The following CTNND2 variants were observed in gnomAD, a reference collection of about 807,000 sequenced individuals.
The protein encoded by CTNND2 is catenin delta 2.
Under a neutral mutation model 144.4 loss-of-function variants are expected in CTNND2, and 22 were observed. The observed-to-expected ratio is 0.15, with a 90% CI of 0.11 to 0.22. The LOEUF (loss-of-function observed/expected upper bound fraction) is 0.22, where lower values mean the gene tolerates loss of function less well. Among genes scored for constraint, CTNND2 ranks in the 10% least tolerant of loss-of-function variants. The pLI is 1.00. For synonymous variants in CTNND2, 751 were observed against 695.6 expected (o/e 1.08, Z -1.25); for missense variants, 1,353 against 1,618.8 (o/e 0.84, Z 2.82).
intron 15 of CTNND2, among the ~76,000 whole-genome samples, chr5:11,085,106 A>T (rs1386543855): frequency 6.6e-6 from 1 of 152,198 alleles, no homozygotes; most frequent in Non-Finnish European, 1.5e-5. Context: ...ATGCTGGATG[A>T]AAAGGTGATT....
intron 16 of CTNND2, among the ~76,000 whole-genome samples, chr5:11,064,771 C>G (rs1230790680): frequency 6.6e-6 from 1 of 152,192 alleles, no homozygotes; most frequent in African/African-American, 2.4e-5. Flanking sequence ...CATCAGAATG[C>G]TTAAAGGAAA....
At chr5:11,061,103 G>A (rs1009419812) in intron 16 of CTNND2, among the ~76,000 whole-genome samples, 1 of 152,014 alleles carries the variant, frequency 6.6e-6, no homozygotes, top group Non-Finnish European at 1.5e-5. Context: ...AATCAAAGTT[G>A]TGATCTACCA....
At chr5:11,672,391 T>C (rs957864086) in intron 2 of CTNND2, among the ~76,000 whole-genome samples, 3 of 152,206 alleles carry the variant, frequency 2.0e-5, no homozygotes, top group African/African-American at 7.2e-5. Flanking sequence ...TAGCCACCCC[T>C]TCCCCCAGGT....
intron 2 of CTNND2, among the ~76,000 whole-genome samples, chr5:11,591,211 C>T (rs535813459): frequency 2.0e-5 from 3 of 152,096 alleles, no homozygotes; most frequent in Non-Finnish European, 4.4e-5. Flanking sequence ...TGAAGGTGTC[C>T]CTGGTATTAT....
Position 11,468,307 on chromosome 5 carries a change from G to A in CTNND2, c.288-56238C>T, listed in dbSNP as rs533016464. 7.6e-4 allele frequency among the ~76,000 whole-genome samples: 116 copies of A among 152,270 alleles called. 1 individual carries two copies. The highest frequency in any genetic ancestry group is 1.1e-3 in the Non-Finnish European group (75 of 68,012). ...CAGCCAATGGAGATGAAAGCAAGAG[G>A]ACAAAAGTGACTTTTAAAAATTTGT... On this transcript the variant is annotated intron_variant, in intron 3 of 21. Coordinates refer to ENST00000304623, the MANE Select transcript of CTNND2 (RefSeq NM_001332.4).
intron 3 of CTNND2, among the ~76,000 whole-genome samples, chr5:11,475,528 T>A (rs762816125): frequency 5.3e-5 from 8 of 152,198 alleles, no homozygotes; most frequent in African/African-American, 1.9e-4. Context: ...ATATAAAGGA[T>A]GAACTCTAAT....
chr5:11,316,495 A>G (rs1355813177), intron 9 of CTNND2, among the ~76,000 whole-genome samples: 2 of 145,746 alleles, frequency 1.4e-5, no homozygotes, highest in Non-Finnish European at 3.0e-5. Flanking sequence ...TATTATTATT[A>G]TTATTATTAT....
intron 14 of CTNND2, among the ~76,000 whole-genome samples, chr5:11,107,687 G>GT (rs1156664035): frequency 1.3e-5 from 2 of 152,210 alleles, no homozygotes; most frequent in African/African-American, 4.8e-5. Flanking sequence ...TGGTGCATTT[G>GT]TTTTGGTGGT....
At chr5:11,500,187 T>C (rs895676131) in intron 3 of CTNND2, among the ~76,000 whole-genome samples, 1 of 152,166 alleles carries the variant, frequency 6.6e-6, no homozygotes, top group Non-Finnish European at 1.5e-5. Flanking sequence ...CTGCATATTA[T>C]CCTATTCTGA....
intron 3 of CTNND2, among the ~76,000 whole-genome samples, chr5:11,560,021 G>A (rs934764232): frequency 1.3e-5 from 2 of 152,078 alleles, no homozygotes; most frequent in African/African-American, 2.4e-5. Context: ...ACTCCTCCAC[G>A]TCCTTGCAAG....
intron 3 of CTNND2, among the ~76,000 whole-genome samples, chr5:11,538,375 C>T (rs1774417165): frequency 1.3e-5 from 2 of 152,172 alleles, no homozygotes; most frequent in African/African-American, 4.8e-5. Flanking sequence ...TAAAAGGAAG[C>T]ATGGCTGTAA....
At position 11,748,844 on chromosome 5, in the gene CTNND2, C is replaced by A. The variant is rs550541125; in HGVS notation, c.38-16572G>T. ...TCTTCACGAAGTAGAGCTTACTTCA[C>A]CTCCCCTTGAGAGTGGGCTAGACTT... On this transcript the variant is annotated intron_variant, in intron 1 of 21. Coordinates refer to ENST00000304623, the MANE Select transcript of CTNND2 (RefSeq NM_001332.4). 3.3e-5 allele frequency among the ~76,000 whole-genome samples: 5 copies of A among 152,154 alleles called. No homozygotes were observed. In the South Asian group the frequency reaches 6.2e-4, roughly 19 times the overall value.
intron 9 of CTNND2, among the ~76,000 whole-genome samples, chr5:11,238,649 A>T (rs1741889791): frequency 6.6e-6 from 1 of 152,234 alleles, no homozygotes; most frequent in South Asian, 2.1e-4. Context: ...ATGTGCACTG[A>T]GCATTTTATA....
At chr5:11,275,608 T>C (rs562036223) in intron 9 of CTNND2, among the ~76,000 whole-genome samples, 22 of 152,328 alleles carry the variant, frequency 1.4e-4, no homozygotes, top group Admixed American at 1.4e-3. Flanking sequence ...CAATTTTAAT[T>C]AAGGAGATGC....
At chr5:11,313,762 A>G (rs1246943644) in intron 9 of CTNND2, among the ~76,000 whole-genome samples, 1 of 152,208 alleles carries the variant, frequency 6.6e-6, no homozygotes, top group Non-Finnish European at 1.5e-5. Flanking sequence ...TAATTTATAA[A>G]GAAAAGAGGT....
intron 11 of CTNND2, among the ~76,000 whole-genome samples, chr5:11,190,838 A>G (rs181307523): frequency 6.6e-6 from 1 of 152,326 alleles, no homozygotes; most frequent in East Asian, 1.9e-4. Flanking sequence ...AATCTAGAAG[A>G]GAATGGTAGA....
At chr5:11,281,732 G>A (rs28701091) in intron 9 of CTNND2, among the ~76,000 whole-genome samples, 236 of 152,168 alleles carry the variant, frequency 1.6e-3, no homozygotes, top group African/African-American at 5.2e-3. Context: ...CTGTGTATGC[G>A]CACCCTTGAC....
At chr5:11,232,903 C>T (rs375195978) in intron 10 of CTNND2, among the ~76,000 whole-genome samples, 35 of 152,240 alleles carry the variant, frequency 2.3e-4, no homozygotes, top group African/African-American at 6.0e-4. Flanking sequence ...ATCATGTGGG[C>T]GGTTCCCCCT....
chr5:11,819,800 T>A (rs1434043999), intron 1 of CTNND2, among the ~76,000 whole-genome samples: 1 of 152,128 alleles, frequency 6.6e-6, no homozygotes, highest in African/African-American at 2.4e-5. Flanking sequence ...TTTATGATAT[T>A]CCCTGCTATG....
Sources: allele counts gnomAD v4.1 joint callset (sites outside exome capture counted in the v4.1 genomes callset), GRCh38; gene constraint gnomAD v4.1.1; transcripts MANE v1.5; gene names NCBI Gene and HGNC (gene_info 2026-07-23, HGNC 2026-07-21).